Variants in LRP1B observed in about 807,000 individuals in gnomAD.
LRP1B encodes low-density lipoprotein receptor-related protein 1B.
In LRP1B, 217 loss-of-function variants were observed where a neutral mutation model predicts 556.6. The ratio of observed to expected loss-of-function variants is 0.39; its 90% CI spans 0.35 to 0.44. The LOEUF (loss-of-function observed/expected upper bound fraction) is 0.44. LRP1B is among the 20% of genes least tolerant of loss of function. The pLI is 1.00. For missense variants in LRP1B, 5,053 were observed against 5,620.8 expected, an observed-to-expected ratio of 0.90 and a Z score of 3.23; for synonymous variants, 2,047 against 1,865.8, an observed-to-expected ratio of 1.10 and a Z score of -2.50.
chr2:141,873,428 G>GCT (rs1698653046), intron 1 of LRP1B, among the ~76,000 whole-genome samples: 2 of 151,992 alleles, frequency 1.3e-5, no homozygotes, highest in South Asian at 4.1e-4. Context: ...TGAGGTAAAA[G>GCT]CATTGCTTTG....
intron 2 of LRP1B, among the ~76,000 whole-genome samples, chr2:141,658,025 C>A (rs911290633): frequency 2.6e-5 from 4 of 152,076 alleles, no homozygotes; most frequent in Admixed American, 6.5e-5. Context: ...TGTATCCTTG[C>A]CAAATGCTAA....
chr2:141,733,911 C>G (rs577866045), intron 2 of LRP1B, among the ~76,000 whole-genome samples: 26 of 151,978 alleles, frequency 1.7e-4, no homozygotes, highest in Admixed American at 6.6e-4. Context: ...ATTATAGAAC[C>G]TATAATGTTT....
intron 3 of LRP1B, among the ~76,000 whole-genome samples, chr2:141,474,722 A>G (rs1682634328): frequency 6.6e-6 from 1 of 152,154 alleles, no homozygotes; most frequent in South Asian, 2.1e-4. Context: ...ATGCCAATTA[A>G]TTATGTCATA....
chr2:141,645,851 A>G (rs1427567082), intron 2 of LRP1B, among the ~76,000 whole-genome samples: 3 of 152,082 alleles, frequency 2.0e-5, no homozygotes, highest in African/African-American at 7.2e-5. Context: ...ACATCCATAT[A>G]AATAAATAAC....
At chr2:141,962,694 A>C (rs939193345) in intron 1 of LRP1B, among the ~76,000 whole-genome samples, 1 of 151,872 alleles carries the variant, frequency 6.6e-6, no homozygotes, top group Non-Finnish European at 1.5e-5. Context: ...AAAAGGCCAC[A>C]TAAAGATTAG....
At chr2:140,549,845 G>A (rs1052854398) in intron 43 of LRP1B, among the ~76,000 whole-genome samples, 1 of 151,894 alleles carries the variant, frequency 6.6e-6, no homozygotes, top group African/African-American at 2.4e-5. Flanking sequence ...CGGCTGTAGT[G>A]TTGTGAGTTG....
rs527653116 is a variant in LRP1B at position 140,807,443 on chromosome 2, C to T, written c.5359+6214G>A. Among the ~76,000 whole-genome samples the T allele has an allele frequency of 1.3e-3, 199 of 151,802 alleles. 1 individual carries two copies. The highest frequency in any genetic ancestry group is 4.6e-3 in the African/African-American group (189 of 41,422). On this transcript the variant is annotated intron_variant, in intron 32 of 90. Coordinates refer to ENST00000389484, the MANE Select transcript of LRP1B (RefSeq NM_018557.3). ...GCAACCTCTGCAGCCCGGGTTCAAG[C>T]GATTCTCCTGCCTCAGCCTACTGAG...
chr2:141,255,417 G>A (rs1684423419), intron 3 of LRP1B, among the ~76,000 whole-genome samples: 1 of 151,998 alleles, frequency 6.6e-6, no homozygotes, highest in Admixed American at 6.6e-5. Flanking sequence ...AAAGTTAAAT[G>A]ATTCAAAATA....
chr2:141,184,165 A>G (rs1340540267), intron 7 of LRP1B, among the ~76,000 whole-genome samples: 2 of 152,078 alleles, frequency 1.3e-5, no homozygotes, highest in Non-Finnish European at 2.9e-5. Flanking sequence ...TAACTACAAT[A>G]GAATTTTATT....
At chr2:141,249,829 G>A (rs1358759269) in intron 4 of LRP1B, among the ~76,000 whole-genome samples, 1 of 152,146 alleles carries the variant, frequency 6.6e-6, no homozygotes, top group Non-Finnish European at 1.5e-5. Flanking sequence ...TTGATGTAAT[G>A]TAGGGAAAGA....
At chr2:140,708,688 A>G (rs1686928515) in intron 37 of LRP1B, among the ~76,000 whole-genome samples, 1 of 151,696 alleles carries the variant, frequency 6.6e-6, no homozygotes, top group Admixed American at 6.6e-5. Flanking sequence ...TGCATTTATA[A>G]TTTTCTTGAA....
chr2:140,516,125 A>T (rs2104936348), intron 50 of LRP1B, among the ~76,000 whole-genome samples: 1 of 152,166 alleles, frequency 6.6e-6, no homozygotes, highest in South Asian at 2.1e-4. Flanking sequence ...AAGAAATAGA[A>T]GTTTATATAT....
intron 23 of LRP1B, among the ~76,000 whole-genome samples, chr2:140,894,742 A>C (rs1024233342): frequency 9.9e-5 from 15 of 152,076 alleles, no homozygotes; most frequent in African/African-American, 3.6e-4. Context: ...TGAGATCAGG[A>C]GTTTGAGAAC....
At chr2:140,325,255 T>C (rs564691937) in intron 80 of LRP1B, among the ~76,000 whole-genome samples, 1 of 152,144 alleles carries the variant, frequency 6.6e-6, no homozygotes, top group East Asian at 1.9e-4. Context: ...AAAACCGGTA[T>C]AGCAACAGAG....
chr2:141,210,290 G>C (rs1302774080), intron 6 of LRP1B, among the ~76,000 whole-genome samples: 3 of 151,582 alleles, frequency 2.0e-5, no homozygotes, highest in African/African-American at 7.3e-5. Flanking sequence ...AATCCATTAG[G>C]AAAGTCCAAA....
chr2:142,123,526 T>C (rs1707529091), intron 1 of LRP1B, among the ~76,000 whole-genome samples: 1 of 151,984 alleles, frequency 6.6e-6, no homozygotes, highest in African/African-American at 2.4e-5. Context: ...GTCTGAAGGC[T>C]AAGCCAGTCA....
At chr2:140,316,406 T>C (rs1220831035) in intron 82 of LRP1B, among the ~76,000 whole-genome samples, 4 of 152,108 alleles carry the variant, frequency 2.6e-5, no homozygotes, top group African/African-American at 9.7e-5. Context: ...GATTCAAGTA[T>C]CATGTCCACT....
At position 141,846,904 on chromosome 2, in the gene LRP1B, G is replaced by A. The variant is rs144286027; in HGVS notation, c.83-36503C>T. On this transcript the variant is annotated intron_variant, in intron 1 of 90. Transcript: ENST00000389484. ...CATTTGGAGAAAAATTTTCTGATGC[G>A]TTTCTTTGAAGGTTGAGAATAAGAC... Among the ~76,000 whole-genome samples, 62 of 151,458 alleles carry A rather than the reference G, an allele frequency of 4.1e-4. No individual in the cohort carries two copies. The East Asian group carries it at 0.011, about 27-fold the overall frequency.
intron 35 of LRP1B, among the ~76,000 whole-genome samples, chr2:140,760,083 G>A (rs185959): frequency 0.46 from 69,900 of 151,912 alleles, 16,848 homozygotes; most frequent in East Asian, 0.6. Context: ...ATGGTAGCCA[G>A]AAGCAAATGT....
Sources: gnomAD v4.1 joint callset for allele counts (sites outside exome capture counted in the v4.1 genomes callset) on GRCh38, gnomAD v4.1.1 for gene constraint, MANE v1.5 for transcripts, NCBI Gene and HGNC (gene_info 2026-07-23, HGNC 2026-07-21) for gene names.